Variants in OR1F1 observed in about 807,000 individuals in gnomAD.
OR1F1 encodes the protein olfactory receptor family 1 subfamily F member 1.
For missense variants in OR1F1, 493 were observed against 376.3 expected, an observed-to-expected ratio of 1.31 and a Z score of -2.57; for synonymous variants, 184 against 156.7, an observed-to-expected ratio of 1.17 and a Z score of -1.30.
At chr16:3,205,912 A>T (rs1958203131), downstream of OR1F1, among the ~76,000 whole-genome samples, 1 of 152,246 alleles carries the variant, frequency 6.6e-6, no homozygotes. Context: ...GAAAAAGAAC[A>T]GAATAACAGT....
chr16:3,204,391 G>A (rs370564788), exon 1 of OR1F1: 39 of 1,613,864 alleles, frequency 2.4e-5, no homozygotes, highest in Admixed American at 5.0e-5. Flanking sequence ...CATCCTGTCC[G>A]TAAGCATAGA....
chr16:3,205,772 A>C (rs1234715969), downstream of OR1F1, among the ~76,000 whole-genome samples: 1 of 152,152 alleles, frequency 6.6e-6, no homozygotes, highest in Admixed American at 6.6e-5. Context: ...CTTTACTTTA[A>C]TCTCTTAATC....
At chr16:3,199,281 C>A (rs572970696), upstream of OR1F1, among the ~76,000 whole-genome samples, 6 of 151,658 alleles carry the variant, frequency 4.0e-5, no homozygotes, top group East Asian at 7.7e-4. Flanking sequence ...CCAGCCTAGG[C>A]AACAGAGGGA....
the OR1F1 span, among the ~76,000 whole-genome samples, chr16:3,196,699 C>CTTT: frequency 1.6e-5 from 2 of 123,946 alleles, no homozygotes; most frequent in Admixed American, 8.2e-5. Flanking sequence ...TGAAATTAAT[C>CTTT]TTTTTTTTTT....
At chr16:3,191,836 C>T in the OR1F1 span, among the ~76,000 whole-genome samples, 6 of 152,078 alleles carry the variant, frequency 3.9e-5, no homozygotes, top group African/African-American at 7.2e-5. Flanking sequence ...GGGCCTCTCC[C>T]CACTTTGTGC....
chr16:3,204,586 C>T, exon 1 of OR1F1: 1 of 1,614,180 alleles, frequency 6.2e-7, no homozygotes, highest in Non-Finnish European at 8.5e-7. Flanking sequence ...GGACAATTTC[C>T]TCCTAGCTGT....
the OR1F1 span, among the ~76,000 whole-genome samples, chr16:3,193,987 G>A: frequency 2.9e-3 from 435 of 152,156 alleles, 3 homozygotes; most frequent in African/African-American, 1.0e-2. Flanking sequence ...TTCCACCTGG[G>A]GTAAGACAAC....
upstream of OR1F1, among the ~76,000 whole-genome samples, chr16:3,199,527 C>T (rs984663827): frequency 4.6e-5 from 7 of 151,882 alleles, no homozygotes; most frequent in African/African-American, 1.7e-4. Context: ...TTGATGGTCT[C>T]ACTATGTTGC....
At chr16:3,199,453 G>C (rs1476646854), upstream of OR1F1, among the ~76,000 whole-genome samples, 1 of 152,076 alleles carries the variant, frequency 6.6e-6, no homozygotes, top group Admixed American at 6.5e-5. Flanking sequence ...GACCAGTCGA[G>C]ACCAGCCTGG....
chr16:3,197,704 A>G, the OR1F1 span, among the ~76,000 whole-genome samples: 2 of 144,828 alleles, frequency 1.4e-5, 1 homozygote, highest in Admixed American at 1.4e-4. Context: ...GGAGAGGGAG[A>G]AGGAGAGGGA....
exon 1 of OR1F1, chr16:3,204,449 T>C (rs754976995): frequency 6.2e-7 from 1 of 1,614,160 alleles, no homozygotes; most frequent in Admixed American, 1.7e-5. Context: ...AACCTGTCTT[T>C]TGTGGACATC....
upstream of OR1F1, among the ~76,000 whole-genome samples, chr16:3,203,969 T>C (rs1232880722): frequency 6.6e-6 from 1 of 152,174 alleles, no homozygotes; most frequent in Non-Finnish European, 1.5e-5. Flanking sequence ...GAACACAAAC[T>C]GACTGAGTTT....
At chr16:3,196,408 G>A in the OR1F1 span, among the ~76,000 whole-genome samples, 2 of 152,108 alleles carry the variant, frequency 1.3e-5, no homozygotes, top group East Asian at 1.9e-4. Flanking sequence ...TTTTGAGATG[G>A]GGTCTCCCTC....
At chr16:3,203,540 C>A (rs146161819), upstream of OR1F1, among the ~76,000 whole-genome samples, 1 of 152,084 alleles carries the variant, frequency 6.6e-6, no homozygotes, top group African/African-American at 2.4e-5. Context: ...CCAAGGCGGG[C>A]GGATCACGAG....
At chr16:3,194,138 A>G in the OR1F1 span, among the ~76,000 whole-genome samples, 5 of 152,228 alleles carry the variant, frequency 3.3e-5, no homozygotes, top group African/African-American at 1.2e-4. Flanking sequence ...AACAAGACAC[A>G]CAATCTCCTC....
chr16:3,203,537 G>A (rs1004417673), upstream of OR1F1, among the ~76,000 whole-genome samples: 19 of 152,186 alleles, frequency 1.2e-4, no homozygotes, highest in African/African-American at 2.2e-4. Context: ...AGGCCAAGGC[G>A]GGCGGATCAC....
At chr16:3,203,857 A>T (rs1003854634), upstream of OR1F1, among the ~76,000 whole-genome samples, 9 of 152,160 alleles carry the variant, frequency 5.9e-5, no homozygotes, top group African/African-American at 2.2e-4. Context: ...CCTTTCAATT[A>T]TGTGGAGCCA....
chr16:3,198,091 G>GGGAGAGGGAGAA, the OR1F1 span, among the ~76,000 whole-genome samples: 4 of 137,092 alleles, frequency 2.9e-5, no homozygotes, highest in African/African-American at 5.4e-5. Context: ...GAGAAGGAGA[G>GGGAGAGGGAGAA]GGAGAGGGAG....
At chr16:3,189,648 G>A in the OR1F1 span, 1 of 151,970 alleles carries the variant, frequency 6.6e-6, no homozygotes, top group Admixed American at 6.6e-5. Context: ...CGTTGGTCTA[G>A]GGGTATGATT....
Sources: allele counts gnomAD v4.1 joint callset (sites outside exome capture counted in the v4.1 genomes callset), GRCh38; gene constraint gnomAD v4.1.1; transcripts MANE v1.5; gene names NCBI Gene and HGNC (gene_info 2026-07-23, HGNC 2026-07-21).